The following LIN9 variants were observed in gnomAD, a reference collection of about 807,000 sequenced individuals.
LIN9 encodes lin-9 DREAM MuvB core complex component, also known as protein lin-9 homolog.
Under a neutral mutation model 78.0 loss-of-function variants are expected in LIN9, and 18 were observed. The ratio of observed to expected loss-of-function variants is 0.23; its 90% CI spans 0.16 to 0.34. The LOEUF (loss-of-function observed/expected upper bound fraction) is 0.34. Among genes scored for constraint, LIN9 ranks in the 10% least tolerant of loss-of-function variants. LIN9 has a pLI of 1.00. For missense variants in LIN9, 451 were observed against 644.1 expected, an observed-to-expected ratio of 0.70 and a Z score of 3.25; for synonymous variants, 192 against 215.2, an observed-to-expected ratio of 0.89 and a Z score of 0.94.
intron 1 of LIN9, among the ~76,000 whole-genome samples, chr1:226,305,656 T>C (rs1248545261): frequency 6.6e-6 from 1 of 151,694 alleles, no homozygotes; most frequent in Non-Finnish European, 1.5e-5. Flanking sequence ...GAACAGCATG[T>C]GCAAAGACCC....
intron 4 of LIN9, among the ~76,000 whole-genome samples, chr1:226,290,506 A>C (rs564961655): frequency 5.9e-5 from 9 of 151,442 alleles, no homozygotes; most frequent in Non-Finnish European, 1.0e-4. Context: ...ACGCCCGGCT[A>C]ATTTTTTGTA....
chr1:226,287,728 G>T lies in LIN9; in HGVS notation c.334C>A (p.Leu112Met). ...TTATGTGCTTTAGGAAGCTTGAGCA[G>T]ATTACGTAATCGAAAACCAATCTTC... is the stretch of plus-strand genomic sequence containing the variant. ...SQKIGFRLRNLLKLPKAHKWC... is the reference protein window; with the variant it reads ...SQKIGFRLRNMLKLPKAHKWC... Residue 112 changes from leucine (L) to methionine (M), a missense_variant, in exon 5 of 15, where the codon CTG (leucine) becomes ATG (methionine). Leu to Met is a conservative substitution (Grantham distance 15, BLOSUM62 2). Transcript: ENST00000681046. The T allele has an allele frequency of 6.4e-7, 1 of 1,553,616 alleles. No individual in the cohort carries two copies.
chr1:226,269,063 A>T (rs114262163), intron 7 of LIN9, among the ~76,000 whole-genome samples: 207 of 152,326 alleles, frequency 1.4e-3, no homozygotes, highest in African/African-American at 4.7e-3. Context: ...ATCCAAACAA[A>T]CATCCAGCAT....
chr1:226,272,409 T>C (rs1660343123), intron 7 of LIN9, among the ~76,000 whole-genome samples: 1 of 150,098 alleles, frequency 6.7e-6, no homozygotes, highest in African/African-American at 2.5e-5. Flanking sequence ...AGACAGAGTC[T>C]AGCTGTGTCA....
rs550436945 is a variant in LIN9, at chr1:226,233,626, G to A, written c.1246-103C>T. Reference sequence around the variant, plus strand: ...TCAGATTTTAATTTTTATAAAACTAGCATTTAAAACTAAAGTGGTACTCTT... The same window carrying A: ...TCAGATTTTAATTTTTATAAAACTAACATTTAAAACTAAAGTGGTACTCTT... On this transcript the variant is annotated intron_variant, in intron 12 of 14. Coordinates refer to ENST00000681046, the MANE Select transcript of LIN9 (RefSeq NM_001366245.2). 1.0e-3 allele frequency: 869 copies of A among 845,914 alleles called. 1 individual carries two copies. Among genetic ancestry groups the A allele is most frequent in the Non-Finnish European group, 1.3e-3 (796 of 613,820 alleles). The allele number at this position is 845,914 out of a possible 1,614,324, so 52.4% of individuals were successfully genotyped here. A position where few individuals can be genotyped will look rare whatever the true frequency, so the allele number is the denominator to read the frequency against.
At chr1:226,253,280 A>G (rs1477509555) in intron 10 of LIN9, among the ~76,000 whole-genome samples, 8 of 150,654 alleles carry the variant, frequency 5.3e-5, no homozygotes, top group Admixed American at 1.3e-4. Flanking sequence ...AAAAAAAAAA[A>G]AGAGAAAGAA....
At chr1:226,292,235 A>G (rs1208078744) in intron 4 of LIN9, among the ~76,000 whole-genome samples, 1 of 152,014 alleles carries the variant, frequency 6.6e-6, no homozygotes, top group East Asian at 1.9e-4. Context: ...ATTTCGGCTC[A>G]CTGCAGCTTC....
intron 6 of LIN9, among the ~76,000 whole-genome samples, chr1:226,280,160 G>A (rs1660950787): frequency 6.6e-6 from 1 of 152,132 alleles, no homozygotes; most frequent in Non-Finnish European, 1.5e-5. Context: ...CCAGGATGAA[G>A]CAAAGTATTT....
At chr1:226,306,727 A>G (rs1558214733) in intron 1 of LIN9, among the ~76,000 whole-genome samples, 1 of 152,204 alleles carries the variant, frequency 6.6e-6, no homozygotes, top group Non-Finnish European at 1.5e-5. Context: ...CCTGAACAAT[A>G]TATTAGCTAG....
Position 226,232,455 on chromosome 1 carries a change from T to G in LIN9, c.*46A>C, listed in dbSNP as rs1268584565. On this transcript the variant is annotated 3_prime_UTR_variant, in exon 15 of 15. Coordinates refer to ENST00000681046, the MANE Select transcript of LIN9 (RefSeq NM_001366245.2). The stretch of plus-strand genomic sequence containing the variant: ...GGAAGCCTATATAAAGGAAAAGAAC[T>G]TCTCAAAAACAATGTCCCGTGCAGT... 7.7e-7 allele frequency: 1 copy of G among 1,291,550 alleles called. No individual in the cohort carries two copies. The highest frequency in any genetic ancestry group is 1.1e-6 in the Non-Finnish European group (1 of 903,548). 80.0% of individuals were successfully genotyped at this position (1,291,550 alleles called of 1,614,324 possible).
chr1:226,251,131 A>C lies in LIN9; in HGVS notation c.1039-212T>G, dbSNP rs138493004. Among the ~76,000 whole-genome samples the C allele has an allele frequency of 4.1e-3, 627 of 152,186 alleles. 26 individuals carry two copies. The South Asian group carries it at 0.075, about 18-fold the overall frequency. On this transcript the variant is annotated intron_variant, in intron 10 of 14. Coordinates refer to ENST00000681046, the MANE Select transcript of LIN9 (RefSeq NM_001366245.2). The stretch of plus-strand genomic sequence containing the variant: ...GAGTGCAGTGGCACAGTCTTGGCTC[A>C]CTGCAACCTCTGCCTCCCAGTTCAA...
chr1:226,254,442 T>C (rs1050515096), intron 10 of LIN9, among the ~76,000 whole-genome samples: 5 of 152,216 alleles, frequency 3.3e-5, no homozygotes, highest in African/African-American at 1.2e-4. Flanking sequence ...CTCTTAAGTA[T>C]CTTAAAATAA....
At chr1:226,274,659 TA>T (rs1660520202) in intron 7 of LIN9, among the ~76,000 whole-genome samples, 1 of 141,554 alleles carries the variant, frequency 7.1e-6, no homozygotes, top group African/African-American at 2.5e-5. Context: ...TCTGAGGGTC[TA>T]TTTTTTTTTT....
intron 6 of LIN9, among the ~76,000 whole-genome samples, chr1:226,280,172 A>C (rs1040872671): frequency 1.3e-5 from 2 of 152,204 alleles, no homozygotes; most frequent in Admixed American, 1.3e-4. Context: ...AAAGTATTTA[A>C]ACATCACTTT....
At chr1:226,283,414 C>G (rs1661196292) in intron 6 of LIN9, among the ~76,000 whole-genome samples, 1 of 150,826 alleles carries the variant, frequency 6.6e-6, no homozygotes, top group African/African-American at 2.4e-5. Context: ...GTGTGAGCCA[C>G]CACACCCAGC....
intron 6 of LIN9, among the ~76,000 whole-genome samples, chr1:226,284,126 C>T (rs1661253094): frequency 6.6e-6 from 1 of 152,166 alleles, no homozygotes; most frequent in East Asian, 1.9e-4. Flanking sequence ...GACTACTAAA[C>T]AGTAGTCTCG....
intron 4 of LIN9, among the ~76,000 whole-genome samples, chr1:226,289,013 C>T (rs781672237): frequency 6.6e-6 from 1 of 152,046 alleles, no homozygotes; most frequent in Non-Finnish European, 1.5e-5. Context: ...CCGAGATGGG[C>T]GGATCACAAG....
intron 3 of LIN9, among the ~76,000 whole-genome samples, chr1:226,296,876 T>C (rs766128756): frequency 6.6e-6 from 1 of 152,042 alleles, no homozygotes; most frequent in African/African-American, 2.4e-5. Context: ...AATTTTTTAT[T>C]AGCTGGGCGT....
chr1:226,268,624 G>A (rs555670791), intron 7 of LIN9, among the ~76,000 whole-genome samples: 147 of 152,216 alleles, frequency 9.7e-4, no homozygotes, highest in African/African-American at 3.4e-3. Flanking sequence ...CAAACGATGT[G>A]GTTAATGCTG....
Sources: allele counts gnomAD v4.1 joint callset (sites outside exome capture counted in the v4.1 genomes callset), GRCh38; gene constraint gnomAD v4.1.1; transcripts MANE v1.5; gene names NCBI Gene and HGNC (gene_info 2026-07-23, HGNC 2026-07-21).